RYR2: variants seen among roughly 807,000 people sequenced by gnomAD.
The protein encoded by RYR2 is cardiac muscle ryanodine receptor-calcium release channel.
In RYR2, 227 loss-of-function variants were observed where a neutral mutation model predicts 601.1. That is an observed-to-expected ratio of 0.38 (90% confidence interval 0.34 to 0.42). The LOEUF (loss-of-function observed/expected upper bound fraction) is 0.42, where lower values mean the gene tolerates loss of function less well. RYR2 is among the 10% of genes least tolerant of loss of function. The probability of loss-of-function intolerance (pLI) is 1.00; values close to 1 mark genes in which losing one functional copy is unlikely to be tolerated. For missense variants in RYR2, 4,646 were observed against 6,156.5 expected (o/e 0.75, Z 8.21); for synonymous variants, 2,223 against 2,175.1 (o/e 1.02, Z -0.61).
chr1:237,503,206 C>A, intron 21 of RYR2, 83 bp from the exon 22 acceptor site: 1 of 1,279,920 alleles, frequency 7.8e-7, no homozygotes, highest in African/African-American at 1.5e-5. Context: ...TTTGTACTAA[C>A]AATTTTTCCC....
rs1322758282 is a variant in RYR2 at position 237,610,289 on chromosome 1, C to T, written c.4684-473C>T. On this transcript the variant is annotated intron_variant, in intron 35 of 104. Coordinates refer to ENST00000366574, the MANE Select transcript of RYR2 (RefSeq NM_001035.3). The surrounding 1 kb of genome is among the most constrained non-coding windows in gnomAD (Gnocchi z 4.9). The stretch of plus-strand genomic sequence containing the variant: ...GTCAGGTTTATCTGTTGAGCTTTAT[C>T]TGGAATACTTCTGGCTAGAGGAAGT... 6.6e-6 allele frequency among the ~76,000 whole-genome samples: 1 copy of T among 152,154 alleles called. No homozygotes were observed. The highest frequency in any genetic ancestry group is 2.4e-5 in the African/African-American group (1 of 41,428).
chr1:237,376,161 A>G (rs1701020319), intron 7 of RYR2, among the ~76,000 whole-genome samples: 1 of 152,236 alleles, frequency 6.6e-6, no homozygotes, highest in South Asian at 2.1e-4. Flanking sequence ...CTGCAACTGT[A>G]AAAATGTGAA....
chr1:237,763,707 T>C (rs1327197044), intron 84 of RYR2, among the ~76,000 whole-genome samples: 1 of 152,214 alleles, frequency 6.6e-6, no homozygotes, highest in Non-Finnish European at 1.5e-5. Context: ...TCTGAATACA[T>C]GCTATTGCCT....
At chr1:237,626,496 C>T (rs776409443) in intron 40 of RYR2, among the ~76,000 whole-genome samples, 19 of 150,502 alleles carry the variant, frequency 1.3e-4, no homozygotes, top group Admixed American at 2.6e-4. Flanking sequence ...ATTTATTTTT[C>T]AGTGTCACAA....
rs192393328 is a variant in RYR2 at position 237,351,001 on chromosome 1, A to T, written c.274-4964A>T. On this transcript the variant is annotated intron_variant, in intron 3 of 104. Coordinates refer to ENST00000366574, the MANE Select transcript of RYR2 (RefSeq NM_001035.3). ...CAAGTGCAGATGGAGCATTTACCAA[A>T]ATTGATTATGGAGGAAGTATAAGCA... 4.6e-5 allele frequency among the ~76,000 whole-genome samples: 7 copies of T among 152,244 alleles called. No individual in the cohort carries two copies. In the East Asian group the frequency reaches 1.2e-3, roughly 25 times the overall value.
chr1:237,745,716 G>A (rs1431164615), intron 80 of RYR2, among the ~76,000 whole-genome samples: 1 of 152,180 alleles, frequency 6.6e-6, no homozygotes, highest in Non-Finnish European at 1.5e-5. Context: ...CTGAGAGAAA[G>A]GGCTACCTTT....
chr1:237,594,894 T>TGTTTTTG (rs1334728750), intron 33 of RYR2, among the ~76,000 whole-genome samples: 72 of 18,356 alleles, frequency 3.9e-3, no homozygotes, highest in South Asian at 8.8e-3. Context: ...GGGTTTTTTT[T>TGTTTTTG]TTTTTTTTTT....
In RYR2 at chr1:237,473,423, C is replaced by CTT. The variant is rs1159847725; in HGVS notation, c.1708+4237_1708+4238insTT. On this transcript the variant is annotated intron_variant, in intron 17 of 104. Transcript: ENST00000366574. ...TGGGCGACAGAACGAGACTCCATCT[C>CTT]TCTCTCTCTCTTTCTTTCTTTCTTT... is the stretch of plus-strand genomic sequence containing the variant. Among the ~76,000 whole-genome samples the CTT allele has an allele frequency of 1.9e-4, 22 of 115,108 alleles. No individual in the cohort carries two copies. The East Asian group carries it at 2.5e-3, about 13-fold the overall frequency. 75.5% of individuals were successfully genotyped at this position (115,108 alleles called of 152,430 possible). A position where few individuals can be genotyped will look rare whatever the true frequency, so the allele number is the denominator to read the frequency against.
At chr1:237,448,483 G>T (rs1173418545) in intron 14 of RYR2, among the ~76,000 whole-genome samples, 1 of 151,960 alleles carries the variant, frequency 6.6e-6, no homozygotes, top group African/African-American at 2.4e-5. Context: ...CCTCTTGTTG[G>T]GTCGTGTTCA....
chr1:237,295,662 C>T (rs992147), intron 2 of RYR2, among the ~76,000 whole-genome samples: 9 of 151,862 alleles, frequency 5.9e-5, no homozygotes, highest in Non-Finnish European at 1.0e-4. Context: ...ATATTTTTAC[C>T]GCTAGAATCT....
At chr1:237,572,128 C>T (rs560629059) in intron 29 of RYR2, among the ~76,000 whole-genome samples, 40 of 152,108 alleles carry the variant, frequency 2.6e-4, no homozygotes, top group Non-Finnish European at 5.1e-4. Flanking sequence ...CTAACCCTCC[C>T]CTACCTGTCT....
chr1:237,769,761 T>TGTAA (rs1336569942), intron 84 of RYR2, among the ~76,000 whole-genome samples: 3 of 151,020 alleles, frequency 2.0e-5, no homozygotes, highest in South Asian at 2.1e-4. Flanking sequence ...TTTTTTAATA[T>TGTAA]GTAAGTCCAT....
At chr1:237,263,292 A>T (rs1688722094) in intron 1 of RYR2, among the ~76,000 whole-genome samples, 1 of 152,216 alleles carries the variant, frequency 6.6e-6, no homozygotes, top group East Asian at 1.9e-4. Context: ...TGTATTTATG[A>T]ATAATCTTAA....
intron 4 of RYR2, among the ~76,000 whole-genome samples, chr1:237,359,169 G>A (rs867791324): frequency 6.6e-6 from 1 of 152,046 alleles, no homozygotes; most frequent in Non-Finnish European, 1.5e-5. Context: ...TCCCTTAAAC[G>A]GGCTGAGAAC....
chr1:237,129,925 A>G (rs1234352584), intron 1 of RYR2, among the ~76,000 whole-genome samples: 1 of 152,156 alleles, frequency 6.6e-6, no homozygotes, highest in African/African-American at 2.4e-5. Context: ...GGTGGTTTCC[A>G]GGAGCTTGGC....
At chr1:237,360,725 G>T (rs1699706823) in intron 4 of RYR2, among the ~76,000 whole-genome samples, 1 of 152,180 alleles carries the variant, frequency 6.6e-6, no homozygotes, top group African/African-American at 2.4e-5. Flanking sequence ...CATTTCAATA[G>T]AATGTATTAT....
intron 2 of RYR2, among the ~76,000 whole-genome samples, chr1:237,297,252 G>A (rs915616268): frequency 6.6e-6 from 1 of 152,090 alleles, no homozygotes; most frequent in Admixed American, 6.6e-5. Context: ...AAGAAAAGGA[G>A]GGAAAGAACA....
chr1:237,628,325 T>C (rs1679892253), intron 41 of RYR2, among the ~76,000 whole-genome samples: 1 of 151,598 alleles, frequency 6.6e-6, no homozygotes, highest in South Asian at 2.1e-4. Context: ...ACCCACTAAC[T>C]CGTCATTTAG....
chr1:237,415,738 G>A (rs984544806), intron 10 of RYR2, among the ~76,000 whole-genome samples: 3 of 152,200 alleles, frequency 2.0e-5, no homozygotes, highest in African/African-American at 7.2e-5. Flanking sequence ...ACCCCTAACT[G>A]ATAAGTGTAT....
Sources: gnomAD v4.1 joint callset for allele counts (sites outside exome capture counted in the v4.1 genomes callset) on GRCh38, gnomAD v4.1.1 for gene constraint, Gnocchi (gnomAD v3.1) non-coding constraint, MANE v1.5 for transcripts, NCBI Gene and HGNC (gene_info 2026-07-23, HGNC 2026-07-21) for gene names.